IARS2: variants seen among roughly 807,000 people sequenced by gnomAD.
IARS2 encodes the protein isoleucine--tRNA ligase, mitochondrial.
In IARS2, 56 loss-of-function variants were observed where a neutral mutation model predicts 126.3. The ratio of observed to expected loss-of-function variants is 0.44; its 90% confidence interval spans 0.36 to 0.55. The LOEUF (loss-of-function observed/expected upper bound fraction) is 0.55, where lower values mean the gene tolerates loss of function less well. Among genes scored for constraint, IARS2 ranks in the 20% least tolerant of loss-of-function variants. IARS2 has a pLI of 0.00. For missense variants in IARS2, 1,127 were observed against 1,245.9 expected (o/e 0.90, Z 1.44); for synonymous variants, 407 against 441.1 (o/e 0.92, Z 0.97).
At chr1:220,133,591 G>C (rs1657311974) in intron 14 of IARS2, among the ~76,000 whole-genome samples, 1 of 152,148 alleles carries the variant, frequency 6.6e-6, no homozygotes, top group Non-Finnish European at 1.5e-5. Flanking sequence ...GGGGCTTTGA[G>C]AGTTGTGAGT....
At chr1:220,094,934 C>T (rs191384503) in intron 1 of IARS2, among the ~76,000 whole-genome samples, 150 of 152,010 alleles carry the variant, frequency 9.9e-4, no homozygotes, top group African/African-American at 3.5e-3. Context: ...GCCAAGAGTT[C>T]GAGACCATAT....
Position 220,107,168 on chromosome 1 carries a change from T to C in IARS2, c.1327+17T>C, listed in dbSNP as rs763353806. The C allele has an allele frequency of 6.4e-7, 1 of 1,552,612 alleles. No homozygotes were observed. The highest frequency in any genetic ancestry group is 1.1e-5 in the South Asian group (1 of 89,780). On this transcript the variant is annotated intron_variant, in intron 10 of 22. Coordinates refer to ENST00000366922, the MANE Select transcript of IARS2 (RefSeq NM_018060.4). ...CTGATGTGGGTGAGCATCATATCTGTTGATATCATACATGTTTTCTGAAAA... is the reference window on the plus strand; with the variant it reads ...CTGATGTGGGTGAGCATCATATCTGCTGATATCATACATGTTTTCTGAAAA...
chr1:220,140,738 A>G (rs1657471526), intron 19 of IARS2, among the ~76,000 whole-genome samples: 1 of 151,834 alleles, frequency 6.6e-6, no homozygotes, highest in South Asian at 2.1e-4. Context: ...TAATCCCAGC[A>G]CTTTGGGAGG....
At chr1:220,114,220 C>A in intron 11 of IARS2, 94 bp from the exon 12 acceptor site, 2 of 1,125,668 alleles carry the variant, frequency 1.8e-6, no homozygotes, top group Non-Finnish European at 2.7e-6. Context: ...TGGCTACAAA[C>A]ATCCAAAAGA....
At chr1:220,114,527 CA>C in intron 12 of IARS2, 53 bp downstream of exon 12, 6 of 1,387,950 alleles carry the variant, frequency 4.3e-6, no homozygotes, top group Non-Finnish European at 6.0e-6. Context: ...ATTTTTTCTT[CA>C]AAAATTGAAA....
At chr1:220,126,721 C>T (rs1438601399) in intron 13 of IARS2, 29 bp from the exon 14 acceptor site, 2 of 1,517,648 alleles carry the variant, frequency 1.3e-6, no homozygotes, top group Non-Finnish European at 1.8e-6. Flanking sequence ...TCTTTGTGTA[C>T]CTGACATGCT....
chr1:220,146,549 T>G (rs1657597248), intron 22 of IARS2, among the ~76,000 whole-genome samples: 1 of 127,168 alleles, frequency 7.9e-6, no homozygotes, highest in Non-Finnish European at 1.8e-5. Flanking sequence ...AGCAGGTATC[T>G]TATGCTGCTT....
At chr1:220,096,695 T>TGG (rs977544982) in intron 2 of IARS2, among the ~76,000 whole-genome samples, 3 of 152,308 alleles carry the variant, frequency 2.0e-5, no homozygotes, top group African/African-American at 7.2e-5. Flanking sequence ...GGGGAGGAAG[T>TGG]GGGCTTAGGC....
chr1:220,134,765 G>T (rs868601493), intron 15 of IARS2: 138 of 206,740 alleles, frequency 6.7e-4, no homozygotes, highest in Non-Finnish European at 1.0e-3. Context: ...CTTTGTTGTT[G>T]TTGTTTTTTT....
chr1:220,135,846 AG>A (rs1429740590), intron 15 of IARS2, among the ~76,000 whole-genome samples: 85 of 111,800 alleles, frequency 7.6e-4, no homozygotes, highest in Non-Finnish European at 1.3e-3. Context: ...TGAGTTATAT[AG>A]TTTTTCCGCT....
chr1:220,134,592 G>A, intron 15 of IARS2, 82 bp downstream of exon 15: 1 of 736,636 alleles, frequency 1.4e-6, no homozygotes, highest in Non-Finnish European at 2.2e-6. Flanking sequence ...AGATGATAAG[G>A]CACCACTCTT....
chr1:220,115,199 T>C (rs1656889630), intron 12 of IARS2, among the ~76,000 whole-genome samples: 1 of 152,246 alleles, frequency 6.6e-6, no homozygotes, highest in Non-Finnish European at 1.5e-5. Context: ...TTATGTGTTA[T>C]GATTTATTCC....
chr1:220,097,243 A>G (rs1005543285), intron 2 of IARS2, among the ~76,000 whole-genome samples: 1 of 151,706 alleles, frequency 6.6e-6, no homozygotes, highest in Non-Finnish European at 1.5e-5. Flanking sequence ...AAAATTAAGA[A>G]TTGGTTTCTG....
intron 11 of IARS2, among the ~76,000 whole-genome samples, chr1:220,113,324 GC>G (rs1656848693): frequency 6.6e-6 from 1 of 152,106 alleles, no homozygotes; most frequent in Admixed American, 6.6e-5. Context: ...TTGCCATTCT[GC>G]CAATAGGTGG....
intron 2 of IARS2, among the ~76,000 whole-genome samples, chr1:220,099,211 C>CA (rs1184799314): frequency 0.021 from 1,011 of 47,400 alleles, 15 homozygotes; most frequent in East Asian, 0.083. Flanking sequence ...GACTCCGTCT[C>CA]AAAAAAAAAA....
chr1:220,117,180 TC>T (rs1656931593), intron 12 of IARS2, among the ~76,000 whole-genome samples: 1 of 138,182 alleles, frequency 7.2e-6, no homozygotes, highest in African/African-American at 2.7e-5. Flanking sequence ...CATTGTCTCC[TC>T]TTCTTTTTTT....
intron 12 of IARS2, among the ~76,000 whole-genome samples, chr1:220,117,388 C>T (rs989866224): frequency 1.3e-5 from 2 of 151,312 alleles, no homozygotes; most frequent in Non-Finnish European, 2.9e-5. Flanking sequence ...TTAGTAGAGA[C>T]GGGGTTTCTC....
At chr1:220,105,556 G>T (rs1052299263) in intron 8 of IARS2, among the ~76,000 whole-genome samples, 1 of 151,944 alleles carries the variant, frequency 6.6e-6, no homozygotes, top group African/African-American at 2.4e-5. Context: ...TTTTCTTTCC[G>T]GAAAAAAATG....
intron 12 of IARS2, among the ~76,000 whole-genome samples, chr1:220,116,737 G>T (rs1390936884): frequency 6.6e-6 from 1 of 151,870 alleles, no homozygotes; most frequent in East Asian, 1.9e-4. Context: ...TGTAAATTCT[G>T]TCCAGTTCAG....
Sources: gnomAD v4.1 joint callset for allele counts (sites outside exome capture counted in the v4.1 genomes callset) on GRCh38, gnomAD v4.1.1 for gene constraint, MANE v1.5 for transcripts, NCBI Gene and HGNC (gene_info 2026-07-23, HGNC 2026-07-21) for gene names.